MOSPD2: variants seen among roughly 807,000 people sequenced by gnomAD.
The protein encoded by MOSPD2 is motile sperm domain-containing protein 2.
A neutral mutation model predicts 41.7 loss-of-function variants in MOSPD2; 5 were observed. That is an observed-to-expected ratio of 0.12 (90% CI 0.06 to 0.25). The LOEUF is 0.25. Ranked by LOEUF, MOSPD2 falls within the 10% of genes least tolerant of loss-of-function variation. The pLI is 1.00. For missense variants in MOSPD2, 282 were observed against 375.2 expected (o/e 0.75, Z 2.05); for synonymous variants, 115 against 126.9 (o/e 0.91, Z 0.63).
chrX:14,896,509 C>T (rs1183584859), intron 4 of MOSPD2, among the ~76,000 whole-genome samples: 1 of 111,981 alleles, frequency 8.9e-6, no homozygotes, highest in African/African-American at 3.3e-5. Flanking sequence ...CTCCAGTCTG[C>T]CCTCTGTGCT....
chrX:14,912,312 G>T lies in MOSPD2; in HGVS notation c.943G>T (p.Ala315Ser), dbSNP rs905836720. The change falls in exon 10 of 15, where the codon GCT becomes TCT. Residue 315 changes from alanine (A) to serine (S), a missense_variant. Physicochemically the swap from Ala to Ser is moderately conservative, Grantham distance 99. This residue lies in a region of MOSPD2 where 187 missense variants were observed against 256.6 expected (regional missense o/e 0.73). Coordinates refer to ENST00000380492, the MANE Select transcript of MOSPD2 (RefSeq NM_152581.4). ...TGAAAAAGTTGATTCAAAAGTGAAA[G>T]CTTTCAAGAAACCATTGAGTGTATT... The part of the protein sequence containing the change: ...ENEKVDSKVK[A>S]FKKPLSVFKG... 8.4e-7 allele frequency: 1 copy of T among 1,184,327 alleles called. No homozygotes were observed. The highest frequency in any genetic ancestry group is 1.8e-5 in the African/African-American group (1 of 55,630).
At chrX:14,877,435 C>T (rs2092522770) in intron 2 of MOSPD2, among the ~76,000 whole-genome samples, 1 of 109,741 alleles carries the variant, frequency 9.1e-6, no homozygotes, top group Non-Finnish European at 1.9e-5. Flanking sequence ...CTCTGCCTCC[C>T]GGGTTCAAGC....
chrX:14,883,655 A>G (rs186540714), intron 2 of MOSPD2, among the ~76,000 whole-genome samples: 2 of 112,298 alleles, frequency 1.8e-5, no homozygotes, highest in African/African-American at 6.5e-5. Flanking sequence ...CACAACTGAC[A>G]TAGGACATTC....
At chrX:14,915,842 G>A (rs2092599440) in intron 12 of MOSPD2, 78 bp downstream of exon 12, 2 of 829,257 alleles carry the variant, frequency 2.4e-6, no homozygotes, top group South Asian at 4.4e-5. Flanking sequence ...CTCTGAGTCA[G>A]CAGAGATGTC....
chrX:14,905,993 G>A (rs765574135), intron 7 of MOSPD2, among the ~76,000 whole-genome samples: 7 of 111,784 alleles, frequency 6.3e-5, no homozygotes, highest in Non-Finnish European at 1.3e-4. Flanking sequence ...CGACTGTATT[G>A]TTAAGAGGTC....
At chrX:14,915,531 A>G (rs959243770) in intron 11 of MOSPD2, 137 bp from the exon 12 acceptor site, 22 of 230,048 alleles carry the variant, frequency 9.6e-5, no homozygotes, top group Non-Finnish European at 1.5e-4. Context: ...GTGCACATGT[A>G]CCCTAAAACT....
intron 7 of MOSPD2, among the ~76,000 whole-genome samples, chrX:14,905,691 A>C (rs1385829772): frequency 9.1e-6 from 1 of 110,185 alleles, no homozygotes; most frequent in Non-Finnish European, 1.9e-5. Flanking sequence ...ACAAGGTTTC[A>C]CCACATTTGC....
intron 12 of MOSPD2, 67 bp downstream of exon 12, chrX:14,915,831 GCT>G: frequency 1.1e-6 from 1 of 914,431 alleles, no homozygotes; most frequent in Non-Finnish European, 1.6e-6. Flanking sequence ...CTGGACCTTG[GCT>G]CTGAGTCAGC....
chrX:14,907,252 C>G (rs1379503270), intron 7 of MOSPD2, among the ~76,000 whole-genome samples: 3 of 111,877 alleles, frequency 2.7e-5, no homozygotes, highest in Non-Finnish European at 3.8e-5. Context: ...CATTGGAAGC[C>G]TCATACACTG....
At chrX:14,894,288 T>C (rs1297444761) in intron 3 of MOSPD2, among the ~76,000 whole-genome samples, 1 of 105,781 alleles carries the variant, frequency 9.5e-6, no homozygotes, top group Non-Finnish European at 1.9e-5. Context: ...TGTGCTCCCA[T>C]GCCTGGCTAA....
chrX:14,894,198 C>T (rs1247296485), intron 3 of MOSPD2, among the ~76,000 whole-genome samples: 2 of 109,005 alleles, frequency 1.8e-5, no homozygotes, highest in Admixed American at 9.7e-5. Context: ...GTGTTGTGAT[C>T]ATAGCTCACT....
chrX:14,916,709 A>G (rs1331793304), intron 13 of MOSPD2, among the ~76,000 whole-genome samples: 1 of 112,607 alleles, frequency 8.9e-6, no homozygotes, highest in Non-Finnish European at 1.9e-5. Flanking sequence ...TATCCACACT[A>G]AAGTGTGCTG....
intron 2 of MOSPD2, among the ~76,000 whole-genome samples, chrX:14,888,206 G>GTA (rs1555909428): frequency 3.5e-5 from 2 of 56,753 alleles, no homozygotes; most frequent in African/African-American, 4.9e-5. Flanking sequence ...ACACACACAC[G>GTA]CACACACACA....
chrX:14,919,374 C>T, intron 14 of MOSPD2, among the ~76,000 whole-genome samples: 1 of 111,707 alleles, frequency 9.0e-6, no homozygotes, highest in Non-Finnish European at 1.9e-5. Flanking sequence ...TTGAAAGAGA[C>T]AGAGGGGCTC....
chrX:14,895,099 T>A (rs2092560732), intron 3 of MOSPD2, among the ~76,000 whole-genome samples: 1 of 112,032 alleles, frequency 8.9e-6, no homozygotes, highest in African/African-American at 3.2e-5. Context: ...GAAATGGAGT[T>A]TGTCCATTTT....
At chrX:14,895,522 T>C in intron 4 of MOSPD2, 128 bp downstream of exon 4, 1 of 449,242 alleles carries the variant, frequency 2.2e-6, no homozygotes, top group East Asian at 3.7e-5. Flanking sequence ...CAATGAGGGA[T>C]TGGCAGGACC....
intron 11 of MOSPD2, among the ~76,000 whole-genome samples, chrX:14,914,813 G>A (rs777160870): frequency 1.8e-5 from 2 of 111,831 alleles, no homozygotes; most frequent in East Asian, 2.8e-4. Flanking sequence ...AATCTTTTAC[G>A]TGCAGTAATA....
chrX:14,882,026 G>C (rs6631278), intron 2 of MOSPD2, among the ~76,000 whole-genome samples: 3,392 of 109,916 alleles, frequency 0.031, 107 homozygotes, highest in African/African-American at 0.092. Flanking sequence ...GTGGGGGAAG[G>C]GGGGAGGGAT....
chrX:14,879,806 A>G (rs1195470153), intron 2 of MOSPD2, among the ~76,000 whole-genome samples: 2 of 111,019 alleles, frequency 1.8e-5, no homozygotes. Flanking sequence ...TTGTTTTTCT[A>G]CATCCTAAAA....
Sources: allele counts gnomAD v4.1 joint callset (sites outside exome capture counted in the v4.1 genomes callset), GRCh38; gene constraint gnomAD v4.1.1; regional missense constraint gnomAD v4.1.1; transcripts MANE v1.5; gene names NCBI Gene and HGNC (gene_info 2026-07-23, HGNC 2026-07-21).